LUZP2: variants seen among roughly 807,000 people sequenced by gnomAD.
The protein encoded by LUZP2 is leucine zipper protein 2.
Under a neutral mutation model 51.6 loss-of-function variants are expected in LUZP2, and 52 were observed. The ratio of observed to expected loss-of-function variants is 1.01; its 90% CI spans 0.81 to 1.27. The LOEUF (loss-of-function observed/expected upper bound fraction) is 1.27. Among genes scored for constraint, LUZP2 ranks in the 50% most tolerant of loss-of-function variants. The probability of loss-of-function intolerance (pLI) is 0.00; values close to 1 mark genes in which losing one functional copy is unlikely to be tolerated. For missense variants in LUZP2, 436 were observed against 395.4 expected (o/e 1.10, Z -0.87); for synonymous variants, 154 against 137.3 (o/e 1.12, Z -0.85).
At chr11:24,978,530 C>T (rs185756065) in intron 8 of LUZP2, among the ~76,000 whole-genome samples, 163 of 151,778 alleles carry the variant, frequency 1.1e-3, no homozygotes, top group African/African-American at 3.5e-3. Context: ...AATGTTCTCC[C>T]GATTTGACTT....
intron 5 of LUZP2, among the ~76,000 whole-genome samples, chr11:24,821,132 G>A (rs1166338836): frequency 2.6e-5 from 4 of 152,082 alleles, no homozygotes; most frequent in Admixed American, 6.5e-5. Flanking sequence ...AATTTAAAAA[G>A]CAAACATAAC....
intron 5 of LUZP2, among the ~76,000 whole-genome samples, chr11:24,883,697 G>A (rs1412588264): frequency 6.6e-6 from 1 of 151,926 alleles, no homozygotes; most frequent in African/African-American, 2.4e-5. Flanking sequence ...CAGTCATTAG[G>A]TATGTTTTAT....
At chr11:24,559,454 T>C (rs532462042) in intron 1 of LUZP2, among the ~76,000 whole-genome samples, 17 of 152,312 alleles carry the variant, frequency 1.1e-4, no homozygotes, top group African/African-American at 4.1e-4. Context: ...GCATTAACCT[T>C]GCTCATAAAT....
intron 5 of LUZP2, among the ~76,000 whole-genome samples, chr11:24,842,436 T>G (rs1051326236): frequency 6.6e-6 from 1 of 151,864 alleles, no homozygotes; most frequent in African/African-American, 2.4e-5. Context: ...TCTAGGTATT[T>G]AATAGGTCAG....
At position 24,674,790 on chromosome 11, in the gene LUZP2, C is replaced by T. The variant is rs570693568; in HGVS notation, c.63-54379C>T. Among the ~76,000 whole-genome samples, 7 of 152,238 alleles carry T rather than the reference C, an allele frequency of 4.6e-5. No homozygotes were observed. The East Asian group carries it at 5.8e-4, about 13-fold the overall frequency. On this transcript the variant is annotated intron_variant, in intron 1 of 11. Coordinates refer to ENST00000336930, the MANE Select transcript of LUZP2 (RefSeq NM_001009909.4). ...TTCTCCCTCTCCTGCCTGCTCCCTG[C>T]GCATTTAACAATTCCATATGTAATA...
At chr11:24,516,457 C>T (rs550979281) in intron 1 of LUZP2, among the ~76,000 whole-genome samples, 72 of 152,232 alleles carry the variant, frequency 4.7e-4, no homozygotes, top group African/African-American at 1.7e-3. Flanking sequence ...TAAAGTTGTG[C>T]TTACATAGGA....
At chr11:24,682,178 C>A (rs1856756380) in intron 1 of LUZP2, among the ~76,000 whole-genome samples, 1 of 152,040 alleles carries the variant, frequency 6.6e-6, no homozygotes, top group Non-Finnish European at 1.5e-5. Flanking sequence ...AAAGACTGTG[C>A]AACTAATACA....
At chr11:24,654,851 A>G (rs1311994488) in intron 1 of LUZP2, among the ~76,000 whole-genome samples, 11 of 151,524 alleles carry the variant, frequency 7.3e-5, no homozygotes, top group Non-Finnish European at 1.2e-4. Context: ...AACCTTTTGA[A>G]TGTTAATATG....
intron 1 of LUZP2, among the ~76,000 whole-genome samples, chr11:24,587,057 T>A (rs985656218): frequency 6.6e-6 from 1 of 152,122 alleles, no homozygotes; most frequent in Non-Finnish European, 1.5e-5. Flanking sequence ...ACAAACAATT[T>A]TTATTATGAC....
intron 9 of LUZP2, among the ~76,000 whole-genome samples, chr11:25,020,932 C>T (rs1316951545): frequency 1.3e-5 from 2 of 151,882 alleles, no homozygotes; most frequent in Non-Finnish European, 2.9e-5. Flanking sequence ...TATGAAGGGG[C>T]ATTCTGAGTA....
intron 9 of LUZP2, among the ~76,000 whole-genome samples, chr11:24,993,863 T>C (rs1329763754): frequency 2.0e-5 from 3 of 148,168 alleles, no homozygotes; most frequent in African/African-American, 4.9e-5. Flanking sequence ...TTTCTTTTTT[T>C]TGGGGGGGGT....
intron 2 of LUZP2, among the ~76,000 whole-genome samples, chr11:24,731,203 T>C (rs1858700230): frequency 1.3e-5 from 2 of 151,722 alleles, no homozygotes; most frequent in Admixed American, 1.3e-4. Context: ...GATTAAAAAA[T>C]GTATGAAGGC....
intron 1 of LUZP2, 22 bp from the exon 2 acceptor site, chr11:24,729,147 A>G (rs372003489): frequency 7.4e-7 from 1 of 1,354,506 alleles, no homozygotes; most frequent in African/African-American, 1.5e-5. Flanking sequence ...GGGGGCTCTC[A>G]TGCCTGTTCT....
intron 7 of LUZP2, among the ~76,000 whole-genome samples, chr11:24,973,369 T>TTTG (rs1354630138): frequency 5.4e-5 from 8 of 148,660 alleles, no homozygotes; most frequent in South Asian, 2.1e-4. Context: ...TATTAGTTTT[T>TTTG]TTTTTTTTTT....
chr11:24,553,734 ATG>A (rs1277955182), intron 1 of LUZP2, among the ~76,000 whole-genome samples: 1 of 152,132 alleles, frequency 6.6e-6, no homozygotes, highest in Non-Finnish European at 1.5e-5. Flanking sequence ...GAGCCAAGCT[ATG>A]GTACGTATCT....
chr11:24,763,453 G>A lies in LUZP2; in HGVS notation c.396+145G>A, dbSNP rs75529794. On this transcript the variant is annotated intron_variant, in intron 5 of 11. Coordinates refer to ENST00000336930, the MANE Select transcript of LUZP2 (RefSeq NM_001009909.4). ...AACTAATGTAGAGAAATTGTAAGGT[G>A]AAGAATTTCAAAAAGTAGATAATCC... 2,143 of 378,264 alleles carry A rather than the reference G, an allele frequency of 5.7e-3. 11 individuals carry two copies. The highest frequency in any genetic ancestry group is 0.025 in the South Asian group (208 of 8,286). 23.4% of individuals were successfully genotyped at this position (378,264 alleles called of 1,614,324 possible).
chr11:24,939,350 T>C (rs1854679523), intron 7 of LUZP2, among the ~76,000 whole-genome samples: 1 of 152,004 alleles, frequency 6.6e-6, no homozygotes. Flanking sequence ...AGGGTCTAGT[T>C]TGCAATCAAT....
chr11:24,783,488 T>C (rs555071705), intron 5 of LUZP2, among the ~76,000 whole-genome samples: 4 of 152,046 alleles, frequency 2.6e-5, no homozygotes, highest in Non-Finnish European at 5.9e-5. Context: ...TTTTTAAATC[T>C]CAGTTATCAA....
chr11:24,963,244 G>T (rs537715438), intron 7 of LUZP2, among the ~76,000 whole-genome samples: 15 of 152,258 alleles, frequency 9.9e-5, no homozygotes, highest in Middle Eastern at 3.4e-3. Flanking sequence ...GCAGTCTGCC[G>T]GTTCTCAGAT....
Sources: allele counts gnomAD v4.1 joint callset (sites outside exome capture counted in the v4.1 genomes callset), GRCh38; gene constraint gnomAD v4.1.1; transcripts MANE v1.5; gene names NCBI Gene and HGNC (gene_info 2026-07-23, HGNC 2026-07-21).